Variants in NTRK2 observed in about 807,000 individuals in gnomAD.
NTRK2 encodes the protein BDNF/NT-3 growth factors receptor.
NTRK2 carries 13 observed loss-of-function variants against 94.5 expected under a neutral mutation model. The observed-to-expected ratio is 0.14, with a 90% CI of 0.09 to 0.22. The LOEUF is 0.22. NTRK2 is among the 10% of genes least tolerant of loss of function. NTRK2 has a pLI of 1.00. For synonymous variants in NTRK2, 372 were observed against 407.4 expected, an observed-to-expected ratio of 0.91 and a Z score of 1.05; for missense variants, 639 against 1,071.2, an observed-to-expected ratio of 0.60 and a Z score of 5.63.
At chr9:84,877,528 A>AC (rs34933697) in intron 14 of NTRK2, 31 of 1,066,120 alleles carry the variant, frequency 2.9e-5, no homozygotes, top group Non-Finnish European at 3.5e-5. Flanking sequence ...GTGGCCAAGG[A>AC]CCCCCCTCCT....
intron 12 of NTRK2, chr9:84,815,429 T>C (rs2072291622): frequency 9.6e-7 from 1 of 1,041,836 alleles, no homozygotes; most frequent in Non-Finnish European, 1.2e-6. Context: ...AAGAGATTCC[T>C]AAGAAACGCA....
chr9:84,886,116 C>T (rs545245860), intron 14 of NTRK2, among the ~76,000 whole-genome samples: 6 of 152,114 alleles, frequency 3.9e-5, no homozygotes, highest in Admixed American at 2.6e-4. Context: ...CTCTCTAGGT[C>T]AAGACTATAT....
chr9:84,676,816 A>G (rs2059087834), intron 2 of NTRK2, among the ~76,000 whole-genome samples: 2 of 152,216 alleles, frequency 1.3e-5, no homozygotes, highest in South Asian at 4.1e-4. Flanking sequence ...AAATGGGGAG[A>G]CAAGTTTAAC....
At chr9:84,784,471 T>C (rs2067927599) in intron 12 of NTRK2, among the ~76,000 whole-genome samples, 1 of 152,146 alleles carries the variant, frequency 6.6e-6, no homozygotes, top group Admixed American at 6.5e-5. Flanking sequence ...GGTGCTGTGG[T>C]GGAAGTGAAA....
At chr9:84,702,547 TTAG>T in intron 4 of NTRK2, 128 bp downstream of exon 4, 1 of 811,034 alleles carries the variant, frequency 1.2e-6, no homozygotes, top group Non-Finnish European at 2.1e-6. Context: ...TGATAATAGC[TTAG>T]AAACATTAGC....
At chr9:84,870,291 C>A (rs1344212769) in intron 14 of NTRK2, among the ~76,000 whole-genome samples, 1 of 111,526 alleles carries the variant, frequency 9.0e-6, no homozygotes, top group African/African-American at 3.4e-5. Context: ...TGTACATATA[C>A]ATATACATGT....
chr9:84,873,409 A>T, intron 14 of NTRK2: 1 of 1,058,894 alleles, frequency 9.4e-7, no homozygotes, highest in Non-Finnish European at 1.1e-6. Flanking sequence ...TTTATGGCAC[A>T]CTGGGTTGAC....
intron 9 of NTRK2, among the ~76,000 whole-genome samples, chr9:84,733,020 G>C (rs920614851): frequency 6.6e-6 from 1 of 152,140 alleles, no homozygotes; most frequent in East Asian, 1.9e-4. Flanking sequence ...GACACTCATA[G>C]TCTCTTGTCC....
rs1833015505 is a variant in NTRK2, at chr9:85,026,021, T to C, written c.*4584T>C. On this transcript the variant is annotated 3_prime_UTR_variant, in exon 19 of 19. Coordinates refer to ENST00000277120, the MANE Select transcript of NTRK2 (RefSeq NM_006180.6). ...CAAGTCAAAGGTTCTTGAATATCCT[T>C]AGTTTTTGCATTTCCCCTCCTTTTC... 4 of 231,644 alleles carry C rather than the reference T, an allele frequency of 1.7e-5. No individual in the cohort carries two copies. Among genetic ancestry groups the C allele is most frequent in the Non-Finnish European group, 2.6e-5 (3 of 117,084 alleles). The allele number at this position is 231,644 out of a possible 1,614,324, so 14.3% of individuals were successfully genotyped here.
At chr9:84,915,590 C>A (rs1315514658) in intron 14 of NTRK2, among the ~76,000 whole-genome samples, 1 of 152,120 alleles carries the variant, frequency 6.6e-6, no homozygotes, top group Non-Finnish European at 1.5e-5. Context: ...CTTGTACATC[C>A]TAGAATTGTG....
At chr9:84,966,337 G>A (rs915786104) in intron 17 of NTRK2, among the ~76,000 whole-genome samples, 2 of 152,162 alleles carry the variant, frequency 1.3e-5, no homozygotes, top group Non-Finnish European at 2.9e-5. Context: ...TACTGATTCA[G>A]CATCTTGAAA....
chr9:84,875,717 C>G (rs1587787027), intron 14 of NTRK2: 2 of 1,053,636 alleles, frequency 1.9e-6, no homozygotes, highest in East Asian at 5.3e-5. Context: ...TTTGCTTAAA[C>G]TTGATGGAGT....
Position 84,707,853 on chromosome 9 carries a change from C to A in NTRK2, c.369C>A (p.Thr123=), listed in dbSNP as rs201157589. 7 of 1,611,922 alleles carry A rather than the reference C, an allele frequency of 4.3e-6. No individual in the cohort carries two copies. The South Asian group carries it at 7.7e-5, about 18-fold the overall frequency. ...TTTTGATTCCTTTCAGCAATTTTAC[C>A]CGAAACAAACTGACGAGTTTGTCTA... ...KNSNLQHINF[T]RNKLTSLSRK... is the part of the protein sequence containing the mutation. Residue 123 remains threonine, a synonymous_variant, in exon 5 of 19, where the codon ACC becomes ACA. Transcript: ENST00000277120.
intron 17 of NTRK2, among the ~76,000 whole-genome samples, chr9:84,992,948 A>G (rs1373620056): frequency 1.3e-5 from 2 of 150,570 alleles, no homozygotes; most frequent in Admixed American, 6.7e-5. Context: ...ATATATATAT[A>G]TAACGGTTCT....
chr9:84,723,476 A>T, intron 6 of NTRK2, 97 bp from the exon 7 acceptor site: 1 of 1,406,540 alleles, frequency 7.1e-7, no homozygotes. Context: ...TTAAAGATTG[A>T]TTTTTAAAGC....
intron 14 of NTRK2, among the ~76,000 whole-genome samples, chr9:84,868,572 A>G (rs2075702005): frequency 6.6e-6 from 1 of 152,202 alleles, no homozygotes; most frequent in Admixed American, 6.5e-5. Context: ...GTAACATGAC[A>G]AGATAAATAG....
intron 12 of NTRK2, among the ~76,000 whole-genome samples, chr9:84,822,322 C>T (rs2131589581): frequency 6.6e-6 from 1 of 152,274 alleles, no homozygotes; most frequent in African/African-American, 2.4e-5. Flanking sequence ...TTCCTCAAAG[C>T]CCACTCATCT....
At chr9:84,778,255 C>G (rs576984366) in intron 12 of NTRK2, among the ~76,000 whole-genome samples, 2 of 152,044 alleles carry the variant, frequency 1.3e-5, no homozygotes, top group South Asian at 2.1e-4. Context: ...AGATTAAGAC[C>G]CTGTCTAAAT....
chr9:84,876,409 G>T (rs2076068970), intron 14 of NTRK2: 2 of 1,054,278 alleles, frequency 1.9e-6, no homozygotes, highest in Non-Finnish European at 2.3e-6. Context: ...ATGTTTTCAT[G>T]CTCAATACTT....
Sources: gnomAD v4.1 joint callset for allele counts (sites outside exome capture counted in the v4.1 genomes callset) on GRCh38, gnomAD v4.1.1 for gene constraint, MANE v1.5 for transcripts, NCBI Gene and HGNC (gene_info 2026-07-23, HGNC 2026-07-21) for gene names.